The following JAK1 variants were observed in gnomAD, a reference collection of about 807,000 sequenced individuals.
JAK1 encodes the protein tyrosine-protein kinase JAK1.
JAK1 carries 16 observed loss-of-function variants against 136.6 expected under a neutral mutation model. The ratio of observed to expected loss-of-function variants is 0.12; its 90% CI spans 0.08 to 0.18. The LOEUF is 0.18. Among genes scored for constraint, JAK1 ranks in the 10% least tolerant of loss-of-function variants. The probability of loss-of-function intolerance (pLI) is 1.00; values close to 1 mark genes in which losing one functional copy is unlikely to be tolerated. For synonymous variants in JAK1, 492 were observed against 519.5 expected, an observed-to-expected ratio of 0.95 and a Z score of 0.72; for missense variants, 859 against 1,450.1, an observed-to-expected ratio of 0.59 and a Z score of 6.62.
At chr1:65,040,479 C>T (rs151330326) in intron 2 of JAK1, among the ~76,000 whole-genome samples, 3 of 152,262 alleles carry the variant, frequency 2.0e-5, no homozygotes, top group South Asian at 2.1e-4. Context: ...AGTAATCTCT[C>T]GACCTTACAA....
At chr1:64,932,448 A>G (rs1394133586) in intron 1 of JAK1, among the ~76,000 whole-genome samples, 1 of 152,072 alleles carries the variant, frequency 6.6e-6, no homozygotes, top group Non-Finnish European at 1.5e-5. Flanking sequence ...GAAATCTGAG[A>G]TTCATAAAAG....
chr1:64,937,660 G>C (rs1051690749), intron 1 of JAK1, among the ~76,000 whole-genome samples: 1 of 151,904 alleles, frequency 6.6e-6, no homozygotes, highest in Non-Finnish European at 1.5e-5. Context: ...AGACTTAGTC[G>C]ATCATAGAAT....
intron 1 of JAK1, among the ~76,000 whole-genome samples, chr1:65,065,164 A>G (rs1026741880): frequency 6.6e-6 from 1 of 152,118 alleles, no homozygotes; most frequent in Non-Finnish European, 1.5e-5. Context: ...TTCTGAAGCT[A>G]AAGTTGGAAG....
intron 4 of JAK1, among the ~76,000 whole-genome samples, chr1:64,877,511 T>C (rs553317427): frequency 1.3e-5 from 2 of 152,292 alleles, no homozygotes; most frequent in South Asian, 2.1e-4. Context: ...CCAAGACTAA[T>C]GCCTCAAAGA....
intron 1 of JAK1, among the ~76,000 whole-genome samples, chr1:65,065,242 T>A (rs985041064): frequency 1.3e-5 from 2 of 152,216 alleles, no homozygotes; most frequent in Non-Finnish European, 2.9e-5. Flanking sequence ...CTGGCAACTC[T>A]GGGGATGCTC....
chr1:64,910,383 T>C (rs575252290), intron 1 of JAK1, among the ~76,000 whole-genome samples: 10 of 152,188 alleles, frequency 6.6e-5, no homozygotes, highest in African/African-American at 2.2e-4. Flanking sequence ...ATTGCTCTCG[T>C]TGTCAAAAAA....
At chr1:64,865,313 T>C (rs933892620) in intron 7 of JAK1, among the ~76,000 whole-genome samples, 3 of 152,230 alleles carry the variant, frequency 2.0e-5, no homozygotes, top group Admixed American at 6.5e-5. Flanking sequence ...CTACTACACA[T>C]GCTCTGACAC....
intron 2 of JAK1, among the ~76,000 whole-genome samples, chr1:65,007,248 G>A (rs757212023): frequency 7.2e-5 from 11 of 152,128 alleles, no homozygotes; most frequent in Middle Eastern, 3.2e-3. Flanking sequence ...AAGAAGATCC[G>A]GGTGCCATAC....
In JAK1 at chr1:64,901,991, C is replaced by T. The variant is rs536809964; in HGVS notation, c.-77-15650G>A. The stretch of plus-strand genomic sequence containing the variant: ...AATACTCTATTGTATAGGGCATTTA[C>T]GTTTTTTTAAATATTATTTTAGAGA... On this transcript the variant is annotated intron_variant, in intron 1 of 24. Transcript: ENST00000342505. Among the ~76,000 whole-genome samples the T allele has an allele frequency of 7.2e-5, 11 of 152,180 alleles. No homozygotes were observed. In the South Asian group the frequency reaches 1.7e-3, roughly 23 times the overall value.
At chr1:64,857,259 G>A (rs1570647561) in intron 10 of JAK1, among the ~76,000 whole-genome samples, 1 of 152,378 alleles carries the variant, frequency 6.6e-6, no homozygotes, top group East Asian at 1.9e-4. Context: ...GTTTGTACCA[G>A]TGAATGCTGT....
At chr1:64,927,521 C>A (rs912485695) in intron 1 of JAK1, among the ~76,000 whole-genome samples, 4 of 152,130 alleles carry the variant, frequency 2.6e-5, no homozygotes, top group Non-Finnish European at 5.9e-5. Flanking sequence ...ACTTCAAACC[C>A]AGATTTGACT....
rs370335661 is a variant in JAK1 at position 64,871,536 on chromosome 1, C to T, written c.483+1834G>A. ...CACTTGTATGTTTCACAGGCATCTC[C>T]GAAAAAGGACTCCTGATTTCTGCCC... On this transcript the variant is annotated intron_variant, in intron 5 of 24. Transcript: ENST00000342505. Among the ~76,000 whole-genome samples, 23 of 152,222 alleles carry T rather than the reference C, an allele frequency of 1.5e-4. 1 individual carries two copies. The highest frequency in any genetic ancestry group is 7.2e-4 in the Admixed American group (11 of 15,284).
At chr1:64,941,205 GTTA>G (rs1379043113) in intron 1 of JAK1, among the ~76,000 whole-genome samples, 1 of 152,054 alleles carries the variant, frequency 6.6e-6, no homozygotes, top group Non-Finnish European at 1.5e-5. Context: ...AAGTTTTGTG[GTTA>G]TTATAAGAAT....
Position 65,040,997 on chromosome 1 carries a change from C to T in JAK1, c.-78+3483G>A, listed in dbSNP as rs190935658. 1.7e-3 allele frequency among the ~76,000 whole-genome samples: 256 copies of T among 152,280 alleles called. 2 individuals carry two copies. The highest frequency in any genetic ancestry group is 6.0e-3 in the African/African-American group (251 of 41,550). The stretch of plus-strand genomic sequence containing the variant: ...TATATCATCGCTCCTGTTGCTATCA[C>T]AGATCCATCATTTCAATGTAGTGGG... On this transcript the variant is annotated intron_variant, in intron 2 of 25. Transcript: ENST00000671954.
intron 1 of JAK1, among the ~76,000 whole-genome samples, chr1:64,893,217 A>G (rs879621793): frequency 1.3e-5 from 2 of 152,168 alleles, no homozygotes; most frequent in African/African-American, 4.8e-5. Flanking sequence ...TGCAGACAGG[A>G]AGAATCTTGC....
chr1:64,849,584 C>T (rs772597062), intron 12 of JAK1, among the ~76,000 whole-genome samples: 3 of 152,244 alleles, frequency 2.0e-5, no homozygotes, highest in Admixed American at 6.5e-5. Context: ...TCCTGCTGTA[C>T]TTCCCTACTT....
chr1:64,887,622 G>T (rs1644871068), intron 1 of JAK1, among the ~76,000 whole-genome samples: 2 of 152,188 alleles, frequency 1.3e-5, no homozygotes, highest in Admixed American at 1.3e-4. Context: ...AAGATGTACA[G>T]AAAGAGGTCA....
At chr1:64,869,567 C>G in intron 5 of JAK1, 93 bp from the exon 6 acceptor site, 2 of 946,964 alleles carry the variant, frequency 2.1e-6, no homozygotes, top group Non-Finnish European at 3.3e-6. Context: ...AGAAACGCAG[C>G]ACAGCAACGA....
At chr1:64,949,531 T>C (rs1308396460) in intron 1 of JAK1, among the ~76,000 whole-genome samples, 1 of 152,240 alleles carries the variant, frequency 6.6e-6, no homozygotes, top group African/African-American at 2.4e-5. Flanking sequence ...AGAATATCAT[T>C]TCCCAGTGAG....
Sources: allele counts gnomAD v4.1 joint callset (sites outside exome capture counted in the v4.1 genomes callset), GRCh38; gene constraint gnomAD v4.1.1; transcripts MANE v1.5; gene names NCBI Gene and HGNC (gene_info 2026-07-23, HGNC 2026-07-21).